PTPRM: variants seen among roughly 807,000 people sequenced by gnomAD.
PTPRM encodes receptor-type tyrosine-protein phosphatase mu.
PTPRM carries 47 observed loss-of-function variants against 186.7 expected under a neutral mutation model. The observed-to-expected ratio is 0.25, with a 90% CI of 0.20 to 0.32. The LOEUF (loss-of-function observed/expected upper bound fraction) is 0.32, where lower values mean the gene tolerates loss of function less well. Ranked by LOEUF, PTPRM falls within the 10% of genes least tolerant of loss-of-function variation. The probability of loss-of-function intolerance (pLI) is 1.00; values close to 1 mark genes in which losing one functional copy is unlikely to be tolerated. For missense variants in PTPRM, 1,494 were observed against 1,865.0 expected, an observed-to-expected ratio of 0.80 and a Z score of 3.66; for synonymous variants, 668 against 674.9, an observed-to-expected ratio of 0.99 and a Z score of 0.16.
chr18:7,641,358 C>G (rs879867444), intron 1 of PTPRM, among the ~76,000 whole-genome samples: 5 of 151,988 alleles, frequency 3.3e-5, no homozygotes, highest in Admixed American at 6.6e-5. Flanking sequence ...CAGAAATACC[C>G]ATAATATTAA....
intron 10 of PTPRM, among the ~76,000 whole-genome samples, chr18:8,087,875 T>C (rs2145310663): frequency 6.6e-6 from 1 of 152,232 alleles, no homozygotes; most frequent in Admixed American, 6.6e-5. Flanking sequence ...AAATATGGTA[T>C]GCCCTCCCAC....
intron 14 of PTPRM, among the ~76,000 whole-genome samples, chr18:8,230,892 A>G (rs906475871): frequency 2.0e-5 from 3 of 152,188 alleles, no homozygotes. Flanking sequence ...GTAATTTGGT[A>G]TAATATATGC....
chr18:7,775,613 A>G (rs1009594204), intron 2 of PTPRM, among the ~76,000 whole-genome samples: 1 of 152,084 alleles, frequency 6.6e-6, no homozygotes, highest in Non-Finnish European at 1.5e-5. Context: ...GAGAGTGGGG[A>G]GGGTCCTTAG....
chr18:8,139,280 C>A (rs571339933), intron 13 of PTPRM, among the ~76,000 whole-genome samples: 1 of 152,168 alleles, frequency 6.6e-6, no homozygotes, highest in African/African-American at 2.4e-5. Flanking sequence ...CTAACACACT[C>A]GACATCCAGT....
chr18:8,172,065 C>T (rs1372173935), intron 14 of PTPRM, among the ~76,000 whole-genome samples: 6 of 152,066 alleles, frequency 3.9e-5, no homozygotes, highest in Admixed American at 2.6e-4. Context: ...AGTCAGGGAC[C>T]GTCTACAATT....
At chr18:7,990,962 C>T (rs1021936397) in intron 7 of PTPRM, among the ~76,000 whole-genome samples, 2 of 152,000 alleles carry the variant, frequency 1.3e-5, no homozygotes, top group Non-Finnish European at 2.9e-5. Flanking sequence ...GAAAATGATT[C>T]AGATTAAGCT....
At chr18:8,180,465 A>C (rs957469808) in intron 14 of PTPRM, among the ~76,000 whole-genome samples, 1 of 152,208 alleles carries the variant, frequency 6.6e-6, no homozygotes, top group South Asian at 2.1e-4. Flanking sequence ...CACTTGGAAA[A>C]GGGTCAAGCG....
intron 1 of PTPRM, among the ~76,000 whole-genome samples, chr18:7,687,670 G>A (rs1568029872): frequency 6.6e-6 from 1 of 152,064 alleles, no homozygotes; most frequent in Non-Finnish European, 1.5e-5. Context: ...TTCCTTAATG[G>A]ACAGCAATAC....
chr18:7,972,309 G>T lies in PTPRM; in HGVS notation c.1132+16895G>T, dbSNP rs1322539467. Among the ~76,000 whole-genome samples the T allele has an allele frequency of 1.2e-4, 15 of 120,452 alleles. No individual in the cohort carries two copies. In the East Asian group the frequency reaches 3.1e-3, roughly 25 times the overall value. 79.0% of individuals were successfully genotyped at this position (120,452 alleles called of 152,430 possible). ...GGGAATATCACACTCTGGGGACTGT[G>T]GTGGGGTAGGGGGAGGGGGGAGGGA... On this transcript the variant is annotated intron_variant, in intron 7 of 32. Transcript: ENST00000580170.
chr18:8,290,220 G>T lies in PTPRM; in HGVS notation c.2755-6148G>T, dbSNP rs6506571. ...GTGAGTTCATCTTCCTTCTTTCAGG[G>T]TGATGATTTTAGTCATTTTACATGC... On this transcript the variant is annotated intron_variant, in intron 19 of 32. Coordinates refer to ENST00000580170, the MANE Select transcript of PTPRM (RefSeq NM_001105244.2). Among the ~76,000 whole-genome samples the T allele has an allele frequency of 3.3e-5, 5 of 152,210 alleles. No homozygotes were observed. The East Asian group carries it at 9.6e-4, about 29-fold the overall frequency.
intron 2 of PTPRM, among the ~76,000 whole-genome samples, chr18:7,800,196 G>A (rs1568148097): frequency 6.6e-6 from 1 of 152,130 alleles, no homozygotes; most frequent in Non-Finnish European, 1.5e-5. Context: ...AAATAGCCAG[G>A]TGAGCGCCAA....
chr18:7,669,424 T>C (rs1233270374), intron 1 of PTPRM, among the ~76,000 whole-genome samples: 1 of 152,152 alleles, frequency 6.6e-6, no homozygotes, highest in Non-Finnish European at 1.5e-5. Flanking sequence ...CAGGTGTCTG[T>C]CCATTTGCAT....
intron 15 of PTPRM, 99 bp downstream of exon 15, chr18:8,244,308 GAA>G (rs1453865308): frequency 4.1e-6 from 5 of 1,223,906 alleles, no homozygotes; most frequent in Non-Finnish European, 5.5e-6. Context: ...GCTTCCTGAA[GAA>G]ATTTTTATGC....
chr18:8,287,823 C>G (rs768081476), intron 19 of PTPRM, among the ~76,000 whole-genome samples: 2 of 152,184 alleles, frequency 1.3e-5, no homozygotes, highest in Non-Finnish European at 2.9e-5. Context: ...AAGACCTAAG[C>G]CTAGCATGAC....
At chr18:8,398,522 T>C (rs2095855826) in intron 32 of PTPRM, among the ~76,000 whole-genome samples, 1 of 152,070 alleles carries the variant, frequency 6.6e-6, no homozygotes, top group Non-Finnish European at 1.5e-5. Flanking sequence ...TCCCAGCACT[T>C]AGGGAGGCCG....
chr18:8,346,452 C>T (rs373255614), intron 23 of PTPRM, among the ~76,000 whole-genome samples: 1 of 152,282 alleles, frequency 6.6e-6, no homozygotes, highest in African/African-American at 2.4e-5. Flanking sequence ...TACAAGGACA[C>T]GAATCCTATT....
rs370777122 is a variant in PTPRM, at chr18:7,874,305, T to C, written c.197-13801T>C. Among the ~76,000 whole-genome samples, 796 of 152,282 alleles carry C rather than the reference T, an allele frequency of 5.2e-3. 8 individuals carry two copies. Among genetic ancestry groups the C allele is most frequent in the African/African-American group, 0.018 (754 of 41,556 alleles). ...TTTATAAAGGCATATGCAATTTTTG[T>C]TAATGTTTTTAATGAAAAGTTAAAA... On this transcript the variant is annotated intron_variant, in intron 2 of 32. Transcript: ENST00000580170.
In PTPRM at chr18:7,642,848, T is replaced by TA. The variant is rs558868777; in HGVS notation, c.73+74976dup. On this transcript the variant is annotated intron_variant, in intron 1 of 32. Transcript: ENST00000580170. ...CAAGACTTCAGTAAGAGCCTTTACTTAAAAAAAAAAAAAAAAAAAGAAGAA... is the reference window on the plus strand; with the variant it reads ...CAAGACTTCAGTAAGAGCCTTTACTTAAAAAAAAAAAAAAAAAAAAGAAGAA... Among the ~76,000 whole-genome samples, 931 of 127,160 alleles carry TA rather than the reference T, an allele frequency of 7.3e-3. 5 individuals carry two copies. Among genetic ancestry groups the TA allele is most frequent in the South Asian group, 0.017 (69 of 3,990 alleles). The allele number at this position is 127,160 out of a possible 152,430, so 83.4% of individuals were successfully genotyped here.
chr18:8,040,875 C>A (rs1473237701), intron 7 of PTPRM, among the ~76,000 whole-genome samples: 1 of 152,182 alleles, frequency 6.6e-6, no homozygotes, highest in Admixed American at 6.6e-5. Context: ...ATCAGAATCT[C>A]TCCATTTTTA....
Sources: gnomAD v4.1 joint callset for allele counts (sites outside exome capture counted in the v4.1 genomes callset) on GRCh38, gnomAD v4.1.1 for gene constraint, MANE v1.5 for transcripts, NCBI Gene and HGNC (gene_info 2026-07-23, HGNC 2026-07-21) for gene names.